IPPK: variants seen among roughly 807,000 people sequenced by gnomAD.
IPPK encodes inositol-pentakisphosphate 2-kinase.
In IPPK, 22 loss-of-function variants were observed where a neutral mutation model predicts 64.6. The ratio of observed to expected loss-of-function variants is 0.34; its 90% CI spans 0.24 to 0.49. The LOEUF is 0.49. Ranked by LOEUF, IPPK falls within the 20% of genes least tolerant of loss-of-function variation. The probability of loss-of-function intolerance (pLI) is 0.99; values close to 1 mark genes in which losing one functional copy is unlikely to be tolerated. For synonymous variants in IPPK, 262 were observed against 247.2 expected (o/e 1.06, Z -0.56); for missense variants, 532 against 630.7 (o/e 0.84, Z 1.68).
chr9:92,667,476 C>T (rs544952658), intron 1 of IPPK, among the ~76,000 whole-genome samples: 1 of 152,338 alleles, frequency 6.6e-6, no homozygotes, highest in South Asian at 2.1e-4. Context: ...GTTCAGGTTA[C>T]CACATCAGGC....
intron 4 of IPPK, among the ~76,000 whole-genome samples, chr9:92,652,329 G>A (rs1852283080): frequency 1.3e-5 from 2 of 151,692 alleles, no homozygotes; most frequent in African/African-American, 4.8e-5. Flanking sequence ...GGCGCCTGTA[G>A]TCCCAGCTAC....
chr9:92,621,214 T>C (rs939059167), intron 11 of IPPK, among the ~76,000 whole-genome samples: 2 of 112,746 alleles, frequency 1.8e-5, no homozygotes, highest in African/African-American at 3.4e-5. Flanking sequence ...ACATATAAAT[T>C]TGGGGGGGTG....
In IPPK at chr9:92,635,258, T is replaced by G. The variant is rs1851918509; in HGVS notation, c.967A>C (p.Lys323Gln). 1 of 1,614,052 alleles carries G rather than the reference T, an allele frequency of 6.2e-7. No homozygotes were observed. The highest frequency in any genetic ancestry group is 1.1e-5 in the South Asian group (1 of 91,082). Residue 323 changes from lysine (K) to glutamine (Q), a missense_variant, in exon 10 of 13, where the codon AAA (lysine) becomes CAA (glutamine). By Grantham distance (53) the Lys-to-Gln change is moderately conservative. Transcript: ENST00000287996. This position sits in a 1 kb window ranked among gnomAD's most constrained non-coding sequence, Gnocchi z 4.4. The part of the protein sequence containing the change: ...SGLPKGCLLY[K>Q]TLQVQMLDLL... Reference sequence around the variant, plus strand: ...TCCAACATCTGCACCTGGAGGGTTTTGTACAGAAGACAGCCCTTCGGTAAC... The same window carrying G: ...TCCAACATCTGCACCTGGAGGGTTTGGTACAGAAGACAGCCCTTCGGTAAC...
intron 12 of IPPK, chr9:92,618,946 T>C (rs1588330137): frequency 3.6e-6 from 1 of 278,768 alleles, no homozygotes. Flanking sequence ...ATTATCAGTT[T>C]CATCCCGAAT....
Position 92,642,861 on chromosome 9 carries a change from A to G in IPPK, c.505-51T>C, listed in dbSNP as rs1375033055. On this transcript the variant is annotated intron_variant, in intron 6 of 12. Transcript: ENST00000287996. ...TGAGGTGACTGGCGCTGGTGACTGC[A>G]CTGTGCCAACTGAACACACAGAACA... 4.6e-6 allele frequency: 6 copies of G among 1,309,806 alleles called. No individual in the cohort carries two copies. The East Asian group carries it at 1.1e-4, about 25-fold the overall frequency. The allele number at this position is 1,309,806 out of a possible 1,614,324, so 81.1% of individuals were successfully genotyped here.
chr9:92,668,261 C>T (rs1299059725), intron 1 of IPPK, among the ~76,000 whole-genome samples: 1 of 152,174 alleles, frequency 6.6e-6, no homozygotes, highest in African/African-American at 2.4e-5. Context: ...GAGTGAGACC[C>T]CGTTTCTAAA....
intron 6 of IPPK, among the ~76,000 whole-genome samples, chr9:92,647,822 G>A (rs978102817): frequency 1.3e-5 from 2 of 152,174 alleles, no homozygotes; most frequent in African/African-American, 4.8e-5. Flanking sequence ...AGTCCAGGAG[G>A]TGGAGGCTGC....
At chr9:92,624,101 C>A (rs549257452) in intron 11 of IPPK, among the ~76,000 whole-genome samples, 1 of 152,142 alleles carries the variant, frequency 6.6e-6, no homozygotes, top group South Asian at 2.1e-4. Flanking sequence ...CTTTGGGACA[C>A]CAGGTGGGAG....
intron 2 of IPPK, 54 bp downstream of exon 2, chr9:92,658,580 C>CA: frequency 7.0e-7 from 1 of 1,427,374 alleles, no homozygotes; most frequent in Non-Finnish European, 9.8e-7. Flanking sequence ...AAAAAAAAAT[C>CA]AGAGTTTTCT....
At chr9:92,649,785 T>C (rs901748875) in intron 4 of IPPK, among the ~76,000 whole-genome samples, 1 of 152,134 alleles carries the variant, frequency 6.6e-6, no homozygotes, top group Non-Finnish European at 1.5e-5. Flanking sequence ...CCCAGCACTT[T>C]GGGAGGCCAA....
chr9:92,657,254 C>T (rs1462585838), intron 2 of IPPK, among the ~76,000 whole-genome samples: 5 of 151,930 alleles, frequency 3.3e-5, no homozygotes, highest in South Asian at 2.1e-4. Flanking sequence ...GAGACTGAGG[C>T]GGGAGAATCA....
chr9:92,635,080 T>C lies in IPPK; in HGVS notation c.1067+78A>G. ...TTCATCCTCCTGGGAAGCTGTGCCT[T>C]GGGAGGCGCATTCTTACCCTGCCCA... On this transcript the variant is annotated intron_variant, in intron 10 of 12. Transcript: ENST00000287996. The surrounding 1 kb of genome is among the most constrained non-coding windows in gnomAD (Gnocchi z 4.4). The C allele has an allele frequency of 7.2e-7, 1 of 1,389,006 alleles. No individual in the cohort carries two copies. The highest frequency in any genetic ancestry group is 9.8e-7 in the Non-Finnish European group (1 of 1,020,490). The allele number at this position is 1,389,006 out of a possible 1,614,324, so 86.0% of individuals were successfully genotyped here. A position where few individuals can be genotyped will look rare whatever the true frequency, so the allele number is the denominator to read the frequency against.
In IPPK at chr9:92,658,815, C is replaced by A. The variant is rs367737012; in HGVS notation, c.82-134G>T. 79 of 794,554 alleles carry A rather than the reference C, an allele frequency of 9.9e-5. No individual in the cohort carries two copies. In the African/African-American group the frequency reaches 1.2e-3, roughly 12 times the overall value. The allele number at this position is 794,554 out of a possible 1,614,324, so 49.2% of individuals were successfully genotyped here. On this transcript the variant is annotated intron_variant, in intron 1 of 12. Transcript: ENST00000287996. ...CCACAGCAAGGAGGCTGGGAAGCCC[C>A]CAGGGCAGGGAGGCCAGGGCTGGGA...
At chr9:92,663,058 G>A (rs890529382) in intron 1 of IPPK, among the ~76,000 whole-genome samples, 3 of 152,080 alleles carry the variant, frequency 2.0e-5, no homozygotes, top group Non-Finnish European at 4.4e-5. Flanking sequence ...CATGCATGAG[G>A]ATTTTCTACA....
In IPPK at chr9:92,635,209, T is replaced by G; in HGVS notation, c.1016A>C (p.Tyr339Ser). 1 of 1,613,928 alleles carries G rather than the reference T, an allele frequency of 6.2e-7. No individual in the cohort carries two copies. The highest frequency in any genetic ancestry group is 8.5e-7 in the Non-Finnish European group (1 of 1,179,918). Residue 339 changes from tyrosine (Y) to serine (S), a missense_variant, in exon 10 of 13, where the codon TAC (tyrosine) becomes TCC (serine). Tyr to Ser is a moderately radical substitution (Grantham distance 144). Transcript: ENST00000287996. This position sits in a 1 kb window ranked among gnomAD's most constrained non-coding sequence, Gnocchi z 4.4. Reference protein sequence around the residue: ...MLDLLDIEGLYPLYNRVERYL... With the variant: ...MLDLLDIEGLSPLYNRVERYL... ...TCGCTCAACCCGGTTGTACAGAGGG[T>G]AGAGGCCTTCGATGTCCAGCAGGTC...
At chr9:92,658,569 G>A in intron 2 of IPPK, 65 bp downstream of exon 2, 4 of 1,321,298 alleles carry the variant, frequency 3.0e-6, no homozygotes, top group South Asian at 2.4e-5. Context: ...TTCTACATCG[G>A]AAAAAAAAAT....
chr9:92,631,193 ATTTT>A (rs61202690), intron 11 of IPPK, among the ~76,000 whole-genome samples: 1 of 131,240 alleles, frequency 7.6e-6, no homozygotes. Flanking sequence ...ACACAGTTCA[ATTTT>A]TTTTTTTTTT....
Position 92,613,889 on chromosome 9 carries a change from G to A in IPPK, c.*1943C>T, listed in dbSNP as rs1311752550. 1 of 152,222 alleles carries A rather than the reference G, an allele frequency of 6.6e-6. No homozygotes were observed. Among genetic ancestry groups the A allele is most frequent in the African/African-American group, 2.4e-5 (1 of 41,412 alleles). The allele number at this position is 152,222 out of a possible 1,614,324, so 9.4% of individuals were successfully genotyped here. On this transcript the variant is annotated 3_prime_UTR_variant, in exon 13 of 13. Coordinates refer to ENST00000287996, the MANE Select transcript of IPPK (RefSeq NM_022755.6). ...TCAGTCGCCCATTTAGCATTGTTAA[G>A]ATCTGTGAACGCGTGTTGTCTCAAA...
rs1420047036 is a variant in IPPK at position 92,613,945 on chromosome 9, C to G, written c.*1887G>C. 6.6e-6 allele frequency: 1 copy of G among 152,264 alleles called. No homozygotes were observed. Among genetic ancestry groups the G allele is most frequent in the African/African-American group, 2.4e-5 (1 of 41,454 alleles). The allele number at this position is 152,264 out of a possible 1,614,324, so 9.4% of individuals were successfully genotyped here. A position where few individuals can be genotyped will look rare whatever the true frequency, so the allele number is the denominator to read the frequency against. On this transcript the variant is annotated 3_prime_UTR_variant, in exon 13 of 13. Coordinates refer to ENST00000287996, the MANE Select transcript of IPPK (RefSeq NM_022755.6). The stretch of plus-strand genomic sequence containing the variant: ...CAGGGCCGTCATGACTACGCAGCAG[C>G]AGCAGTTTCCAAGACGGGCCAGAAA...
Sources: allele counts gnomAD v4.1 joint callset (sites outside exome capture counted in the v4.1 genomes callset), GRCh38; gene constraint gnomAD v4.1.1; non-coding constraint Gnocchi (gnomAD v3.1); transcripts MANE v1.5; gene names NCBI Gene and HGNC (gene_info 2026-07-23, HGNC 2026-07-21).